The following REPS2 variants were observed in gnomAD, a reference collection of about 807,000 sequenced individuals.
The protein encoded by REPS2 is RALBP1 associated Eps domain containing 2, also known as ralBP1-associated Eps domain-containing protein 2.
In REPS2, 23 loss-of-function variants were observed where a neutral mutation model predicts 53.6. The observed-to-expected ratio is 0.43, with a 90% confidence interval of 0.31 to 0.61. REPS2 has a LOEUF of 0.61. REPS2 is among the 20% of genes least tolerant of loss of function. The pLI is 0.11. For synonymous variants in REPS2, 238 were observed against 218.6 expected (o/e 1.09, Z -0.78); for missense variants, 446 against 534.9 (o/e 0.83, Z 1.64).
chrX:17,036,741 G>A (rs1341218921), intron 5 of REPS2, among the ~76,000 whole-genome samples: 3 of 111,753 alleles, frequency 2.7e-5, no homozygotes, highest in African/African-American at 9.8e-5. Flanking sequence ...GTGTGTGTGC[G>A]TTGATCTCTC....
intron 1 of REPS2, among the ~76,000 whole-genome samples, chrX:16,995,843 T>C (rs12014699): frequency 0.43 from 47,595 of 110,567 alleles, 7,781 homozygotes; most frequent in Middle Eastern, 0.58. Flanking sequence ...GACAGTAAAC[T>C]GTATTTGGGA....
the REPS2 span, among the ~76,000 whole-genome samples, chrX:17,195,207 A>G: frequency 2.7e-5 from 3 of 112,276 alleles, no homozygotes; most frequent in Admixed American, 2.8e-4. Context: ...CAAAAGGAAG[A>G]AAGAACTTCT....
chrX:17,115,567 C>A (rs1467382431), intron 14 of REPS2, among the ~76,000 whole-genome samples: 1 of 110,844 alleles, frequency 9.0e-6, no homozygotes, highest in Non-Finnish European at 1.9e-5. Context: ...TTACGGGTGT[C>A]GAGCTGGGGG....
In REPS2 at chrX:17,015,008, T is replaced by C. The variant is rs370342462; in HGVS notation, c.398-7115T>C. 1.1e-4 allele frequency among the ~76,000 whole-genome samples: 13 copies of C among 113,394 alleles called. No homozygotes were observed. The South Asian group carries it at 2.1e-3, about 19-fold the overall frequency. On this transcript the variant is annotated intron_variant, in intron 2 of 17. Coordinates refer to ENST00000357277, the MANE Select transcript of REPS2 (RefSeq NM_004726.3). Reference sequence around the variant, plus strand: ...TATGAATCTTTCCTTCATTACCTTTTATTTGTGTGGCCTCCGGCCAGTTTC... The same window carrying C: ...TATGAATCTTTCCTTCATTACCTTTCATTTGTGTGGCCTCCGGCCAGTTTC...
chrX:17,153,800 G>A (rs1464082147), downstream of REPS2, among the ~76,000 whole-genome samples: 1 of 111,137 alleles, frequency 9.0e-6, no homozygotes, highest in East Asian at 2.8e-4. Context: ...CAATCTAGTA[G>A]TCCCAAAGGA....
chrX:17,043,666 A>G (rs891391095), intron 5 of REPS2, among the ~76,000 whole-genome samples: 1 of 112,117 alleles, frequency 8.9e-6, no homozygotes, highest in Non-Finnish European at 1.9e-5. Context: ...ATTGGCCTTG[A>G]TATTTCTCAT....
intron 13 of REPS2, among the ~76,000 whole-genome samples, chrX:17,091,156 G>A (rs920000494): frequency 1.8e-5 from 2 of 112,005 alleles, no homozygotes; most frequent in Admixed American, 1.9e-4. Flanking sequence ...TTGCAAAGAG[G>A]TAATCCCACG....
At chrX:17,164,718 A>G in the REPS2 span, among the ~76,000 whole-genome samples, 1 of 108,247 alleles carries the variant, frequency 9.2e-6, no homozygotes, top group Non-Finnish European at 2.0e-5. Flanking sequence ...CCCAGTCAAT[A>G]ACCTAATTTT....
At chrX:17,160,743 G>C in the REPS2 span, among the ~76,000 whole-genome samples, 4 of 112,535 alleles carry the variant, frequency 3.6e-5, no homozygotes, top group African/African-American at 1.3e-4. Context: ...AGAAGGTAAA[G>C]TTGAGAGCCA....
intron 1 of REPS2, among the ~76,000 whole-genome samples, chrX:16,962,476 A>G (rs767817872): frequency 8.9e-6 from 1 of 111,828 alleles, no homozygotes; most frequent in Non-Finnish European, 1.9e-5. Context: ...AGTCAAATAT[A>G]TAGAAACAGA....
At chrX:17,052,760 T>C (rs1405622701) in intron 7 of REPS2, among the ~76,000 whole-genome samples, 1 of 112,555 alleles carries the variant, frequency 8.9e-6, no homozygotes, top group Non-Finnish European at 1.9e-5. Context: ...CCTGTAGATT[T>C]CATTTTCAGA....
At chrX:17,073,567 A>G (rs1408568698) in intron 11 of REPS2, among the ~76,000 whole-genome samples, 1 of 111,696 alleles carries the variant, frequency 9.0e-6, no homozygotes, top group Non-Finnish European at 1.9e-5. Context: ...TTGGTCACAG[A>G]CATGTGGGAC....
intron 9 of REPS2, among the ~76,000 whole-genome samples, chrX:17,063,650 G>T (rs971573205): frequency 9.0e-6 from 1 of 111,613 alleles, no homozygotes; most frequent in Non-Finnish European, 1.9e-5. Flanking sequence ...GAAGAATTTT[G>T]GTTAAAATTT....
chrX:17,180,259 G>C, the REPS2 span, among the ~76,000 whole-genome samples: 1 of 111,007 alleles, frequency 9.0e-6, no homozygotes, highest in Non-Finnish European at 1.9e-5. Context: ...AATAAAGAAA[G>C]TGCAGGAAAG....
intron 6 of REPS2, among the ~76,000 whole-genome samples, chrX:17,050,188 T>C (rs1345549123): frequency 3.3e-5 from 2 of 61,428 alleles, no homozygotes; most frequent in African/African-American, 1.5e-4. Flanking sequence ...CTTTCTTTCT[T>C]TCTTTCTTTT....
chrX:17,036,647 G>C (rs2061768723), intron 5 of REPS2, among the ~76,000 whole-genome samples: 1 of 111,657 alleles, frequency 9.0e-6, no homozygotes, highest in Non-Finnish European at 1.9e-5. Context: ...GGTCATGACA[G>C]TAAAGTTGAA....
At chrX:16,961,531 T>C (rs982841367) in intron 1 of REPS2, among the ~76,000 whole-genome samples, 7 of 111,796 alleles carry the variant, frequency 6.3e-5, no homozygotes, top group Non-Finnish European at 1.3e-4. Context: ...ACTCAAACCA[T>C]TGAACTCCTA....
intron 1 of REPS2, among the ~76,000 whole-genome samples, chrX:16,969,107 C>T: frequency 9.1e-6 from 1 of 109,445 alleles, no homozygotes. Context: ...GGCAGAGGCA[C>T]TCCCCACATC....
intron 3 of REPS2, among the ~76,000 whole-genome samples, chrX:17,024,421 A>G (rs1231468147): frequency 1.3e-5 from 1 of 79,250 alleles, no homozygotes; most frequent in Non-Finnish European, 2.3e-5. Context: ...AAGGTTGCTT[A>G]CTTTGCCTAG....
Sources: allele counts gnomAD v4.1 joint callset (sites outside exome capture counted in the v4.1 genomes callset), GRCh38; gene constraint gnomAD v4.1.1; transcripts MANE v1.5; gene names NCBI Gene and HGNC (gene_info 2026-07-23, HGNC 2026-07-21).